TRMT61B: variants seen among roughly 807,000 people sequenced by gnomAD.
TRMT61B encodes tRNA (adenine(58)-N(1))-methyltransferase, mitochondrial.
A neutral mutation model predicts 52.0 loss-of-function variants in TRMT61B; 56 were observed. The ratio of observed to expected loss-of-function variants is 1.08; its 90% CI spans 0.87 to 1.35. TRMT61B has a LOEUF of 1.35. Among genes scored for constraint, TRMT61B ranks in the 40% most tolerant of loss-of-function variants. The pLI is 0.00. For synonymous variants in TRMT61B, 206 were observed against 220.0 expected (o/e 0.94, Z 0.56); for missense variants, 650 against 577.9 (o/e 1.12, Z -1.28).
At position 28,869,559 on chromosome 2, in the gene TRMT61B, C is replaced by T. The variant is rs772135204; in HGVS notation, c.699+20G>A. ...TTGCCCCTCCTGAAACCAATACACA[C>T]CTTATCTCCATCGCATTACCTTTGG... On this transcript the variant is annotated intron_variant, in intron 1 of 6. Coordinates refer to ENST00000306108, the MANE Select transcript of TRMT61B (RefSeq NM_017910.4). 4 of 1,567,686 alleles carry T rather than the reference C, an allele frequency of 2.6e-6. No homozygotes were observed. In the South Asian group the frequency reaches 4.6e-5, roughly 18 times the overall value.
chr2:28,868,206 C>T (rs2148154899), intron 1 of TRMT61B, among the ~76,000 whole-genome samples: 1 of 152,200 alleles, frequency 6.6e-6, no homozygotes, highest in African/African-American at 2.4e-5. Flanking sequence ...CAAACCACAC[C>T]TCATACGGGG....
At chr2:28,867,895 A>T (rs1002736172) in intron 1 of TRMT61B, among the ~76,000 whole-genome samples, 2 of 151,922 alleles carry the variant, frequency 1.3e-5, no homozygotes, top group South Asian at 2.1e-4. Flanking sequence ...TACAAAAAAA[A>T]TTTTTGATTA....
In TRMT61B at chr2:28,861,315, TA is replaced by T; in HGVS notation, c.803-8del. On this transcript the variant is annotated splice_region_variant and splice_polypyrimidine_tract_variant and intron_variant, in intron 2 of 6. Transcript: ENST00000306108. ...ACTCGTCCTTGTGATCCAACTTAAG[TA>T]AAAAATAATTTGATATTTCATAATA... 1 of 1,559,750 alleles carries T rather than the reference TA, an allele frequency of 6.4e-7. No homozygotes were observed. The highest frequency in any genetic ancestry group is 2.3e-5 in the East Asian group (1 of 43,852).
At position 28,870,048 on chromosome 2, in the gene TRMT61B, A is replaced by C. The variant is rs1163025212; in HGVS notation, c.230T>G (p.Ile77Ser). 1 of 1,613,746 alleles carries C rather than the reference A, an allele frequency of 6.2e-7. No homozygotes were observed. Among genetic ancestry groups the C allele is most frequent in the African/African-American group, 1.3e-5 (1 of 75,018 alleles). Residue 77 changes from isoleucine (I) to serine (S), a missense_variant, in exon 1 of 7, where the codon ATT becomes AGT. Coordinates refer to ENST00000306108, the MANE Select transcript of TRMT61B (RefSeq NM_017910.4). ...CPSLPLSISD[I>S]GTGCLSSLEN... is the part of the protein sequence containing the mutation. ...CAGTGACGAAAGACATCCAGTCCCA[A>C]TGTCCGAGATGCTCAGAGGGAGAGA...
rs57513823 is a variant in TRMT61B at position 28,854,738 on chromosome 2, C to CAA, written c.994-2241_994-2240dup. 5.1e-3 allele frequency among the ~76,000 whole-genome samples: 439 copies of CAA among 86,352 alleles called. 6 individuals carry two copies. The highest frequency in any genetic ancestry group is 5.8e-3 in the Non-Finnish European group (289 of 50,026). 56.7% of individuals were successfully genotyped at this position (86,352 alleles called of 152,430 possible). ...TGGGCGACAGAGCGAGACTCCGTCT[C>CAA]AAAAAAAAAAAAAAAAAAAAAAAAA... is the stretch of plus-strand genomic sequence containing the variant. On this transcript the variant is annotated intron_variant, in intron 3 of 6. Transcript: ENST00000306108.
chr2:28,866,188 A>C (rs1669838517), intron 1 of TRMT61B, among the ~76,000 whole-genome samples: 1 of 151,092 alleles, frequency 6.6e-6, no homozygotes, highest in Admixed American at 6.6e-5. Context: ...ATGGGGTTTC[A>C]CCATGTTGGC....
chr2:28,870,246 A>C lies in TRMT61B; in HGVS notation c.32T>G (p.Leu11Trp). ...TCCGAGCCCCTGCCGCAGGCACAGCAAGACAGGACCGCGGCACCATGCCAT... is the reference window on the plus strand; with the variant it reads ...TCCGAGCCCCTGCCGCAGGCACAGCCAGACAGGACCGCGGCACCATGCCAT... MLMAWCRGPV[L>W]LCLRQGLGTN... The change falls in exon 1 of 7, where the codon TTG becomes TGG. Residue 11 changes from leucine (L) to tryptophan (W), a missense_variant. Transcript: ENST00000306108. 6.2e-7 allele frequency: 1 copy of C among 1,602,656 alleles called. No homozygotes were observed. The highest frequency in any genetic ancestry group is 8.5e-7 in the Non-Finnish European group (1 of 1,176,172).
rs376670677 is a variant in TRMT61B at position 28,861,203 on chromosome 2, A to G, written c.908T>C (p.Val303Ala). ...ATCCACATTGTCTGGCCACTCTTCT[A>G]CATGACTTAATTTCCATGAATCACG... ...HWRDSWKLSH[V>A]EEWPDNVDFI... The change falls in exon 3 of 7, where the codon GTA (valine) becomes GCA (alanine). Residue 303 changes from valine (V) to alanine (A), a missense_variant. Transcript: ENST00000306108. The G allele has an allele frequency of 6.2e-7, 1 of 1,614,008 alleles. No individual in the cohort carries two copies. Among genetic ancestry groups the G allele is most frequent in the East Asian group, 2.2e-5 (1 of 44,872 alleles).
At chr2:28,854,175 C>T (rs553972870) in intron 3 of TRMT61B, among the ~76,000 whole-genome samples, 19 of 152,264 alleles carry the variant, frequency 1.2e-4, no homozygotes, top group African/African-American at 4.6e-4. Context: ...ACATGGCAAA[C>T]ATTTTTCTAA....
At chr2:28,866,826 G>A (rs1262927238) in intron 1 of TRMT61B, among the ~76,000 whole-genome samples, 1 of 152,064 alleles carries the variant, frequency 6.6e-6, no homozygotes, top group Non-Finnish European at 1.5e-5. Flanking sequence ...TGGTGACAGG[G>A]TCTCTGTCAC....
At chr2:28,851,867 A>T (rs1669114156) in intron 4 of TRMT61B, among the ~76,000 whole-genome samples, 1 of 133,528 alleles carries the variant, frequency 7.5e-6, no homozygotes, top group Non-Finnish European at 1.6e-5. Flanking sequence ...TGACAAAGCG[A>T]GACTCTGTCT....
intron 3 of TRMT61B, among the ~76,000 whole-genome samples, chr2:28,857,006 T>C (rs1210287956): frequency 6.6e-6 from 1 of 152,084 alleles, no homozygotes; most frequent in Non-Finnish European, 1.5e-5. Flanking sequence ...CAATCTCAGC[T>C]CACTGCACCC....
At chr2:28,860,559 T>C (rs1041147352) in intron 3 of TRMT61B, among the ~76,000 whole-genome samples, 2 of 152,192 alleles carry the variant, frequency 1.3e-5, no homozygotes, top group African/African-American at 4.8e-5. Context: ...TTTACTTTCA[T>C]CTTCTCTGCT....
chr2:28,862,874 G>GTGTC (rs1669670124), intron 2 of TRMT61B, among the ~76,000 whole-genome samples: 2 of 139,796 alleles, frequency 1.4e-5, no homozygotes, highest in Non-Finnish European at 3.0e-5. Flanking sequence ...TTGTGTGTGT[G>GTGTC]TGTGTGTGTG....
intron 2 of TRMT61B, among the ~76,000 whole-genome samples, chr2:28,864,646 C>G (rs1034045831): frequency 6.6e-6 from 1 of 152,122 alleles, no homozygotes; most frequent in Admixed American, 6.6e-5. Context: ...GGGACACTCC[C>G]TACCTTGATC....
chr2:28,854,515 G>A lies in TRMT61B; in HGVS notation c.994-2016C>T, dbSNP rs548387698. On this transcript the variant is annotated intron_variant, in intron 3 of 6. Transcript: ENST00000306108. ...AGCACTTTGCGAGGCCGAGGTGAGCGGATCACCTGAGGTCACGAGTTCAAG... is the reference window on the plus strand; with the variant it reads ...AGCACTTTGCGAGGCCGAGGTGAGCAGATCACCTGAGGTCACGAGTTCAAG... Among the ~76,000 whole-genome samples the A allele has an allele frequency of 3.6e-4, 55 of 151,948 alleles. 2 individuals carry two copies. Among genetic ancestry groups the A allele is most frequent in the Admixed American group, 2.0e-4 (3 of 15,250 alleles).
intron 3 of TRMT61B, among the ~76,000 whole-genome samples, chr2:28,852,913 T>C (rs1669185127): frequency 6.6e-6 from 1 of 152,120 alleles, no homozygotes. Flanking sequence ...GACCTATGAC[T>C]GTGCCATCAT....
At chr2:28,856,937 T>C (rs1289167952) in intron 3 of TRMT61B, among the ~76,000 whole-genome samples, 5 of 151,340 alleles carry the variant, frequency 3.3e-5, no homozygotes, top group Non-Finnish European at 7.4e-5. Flanking sequence ...GCCTGGCCAA[T>C]TTAATTTAAT....
chr2:28,854,511 G>A (rs1372596294), intron 3 of TRMT61B, among the ~76,000 whole-genome samples: 2 of 151,994 alleles, frequency 1.3e-5, no homozygotes, highest in Non-Finnish European at 2.9e-5. Flanking sequence ...AGGCCGAGGT[G>A]AGCGGATCAC....
Sources: gnomAD v4.1 joint callset for allele counts (sites outside exome capture counted in the v4.1 genomes callset) on GRCh38, gnomAD v4.1.1 for gene constraint, MANE v1.5 for transcripts, NCBI Gene and HGNC (gene_info 2026-07-23, HGNC 2026-07-21) for gene names.